The following VRK2 variants were observed in gnomAD, a reference collection of about 807,000 sequenced individuals.
VRK2 encodes VRK serine/threonine kinase 2, also known as serine/threonine-protein kinase VRK2.
Under a neutral mutation model 57.6 loss-of-function variants are expected in VRK2, and 60 were observed. The ratio of observed to expected loss-of-function variants is 1.04; its 90% confidence interval spans 0.85 to 1.29. The LOEUF is 1.29. VRK2 is among the 50% of genes most tolerant of loss of function. The probability of loss-of-function intolerance (pLI) is 0.00; values close to 1 mark genes in which losing one functional copy is unlikely to be tolerated. For missense variants in VRK2, 705 were observed against 588.1 expected (o/e 1.20, Z -2.06); for synonymous variants, 231 against 199.2 (o/e 1.16, Z -1.35).
At chr2:58,151,585 G>A (rs1683037133) in intron 12 of VRK2, among the ~76,000 whole-genome samples, 1 of 151,276 alleles carries the variant, frequency 6.6e-6, no homozygotes, top group Admixed American at 6.6e-5. Context: ...ATTTCCATTT[G>A]AGGTAACTAT....
At chr2:57,938,712 G>C (rs544499652) in intron 1 of VRK2, among the ~76,000 whole-genome samples, 1 of 152,026 alleles carries the variant, frequency 6.6e-6, no homozygotes, top group Non-Finnish European at 1.5e-5. Flanking sequence ...AACAGAAGTT[G>C]TCACATATCT....
intron 1 of VRK2, among the ~76,000 whole-genome samples, chr2:58,002,496 G>A (rs1255372773): frequency 6.6e-6 from 1 of 151,982 alleles, no homozygotes. Flanking sequence ...AGTAAAATCA[G>A]TATGTGTGAA....
chr2:58,093,418 T>C (rs1008278929), intron 7 of VRK2, among the ~76,000 whole-genome samples: 2 of 152,168 alleles, frequency 1.3e-5, no homozygotes, highest in African/African-American at 4.8e-5. Flanking sequence ...TGGCCAGTGA[T>C]GATGAGCATT....
intron 7 of VRK2, among the ~76,000 whole-genome samples, chr2:58,119,246 C>A (rs564810418): frequency 4.6e-5 from 7 of 151,722 alleles, no homozygotes; most frequent in Non-Finnish European, 7.4e-5. Flanking sequence ...GCCTGTAATC[C>A]CAGCACTTTG....
At chr2:58,063,950 A>G (rs1038868189) in intron 2 of VRK2, among the ~76,000 whole-genome samples, 4 of 152,120 alleles carry the variant, frequency 2.6e-5, no homozygotes, top group African/African-American at 9.7e-5. Context: ...GCGGGGTTCA[A>G]GCCTTCAGTG....
At chr2:57,961,634 C>A (rs905676843) in intron 1 of VRK2, among the ~76,000 whole-genome samples, 48 of 105,286 alleles carry the variant, frequency 4.6e-4, no homozygotes, top group African/African-American at 1.2e-3. Flanking sequence ...CCCCCCCCCC[C>A]ACTTATTACT....
upstream of VRK2, among the ~76,000 whole-genome samples, chr2:58,042,544 G>A (rs1243016967): frequency 6.6e-6 from 1 of 152,098 alleles, no homozygotes; most frequent in African/African-American, 2.4e-5. Context: ...TGAATGTTTT[G>A]TCTATGCATC....
At chr2:58,086,188 C>G in intron 4 of VRK2, 151 bp from the exon 5 acceptor site, 1 of 577,840 alleles carries the variant, frequency 1.7e-6, no homozygotes, top group Non-Finnish European at 3.0e-6. Flanking sequence ...CAGTTTGAGG[C>G]CATTAGATAG....
intron 2 of VRK2, among the ~76,000 whole-genome samples, chr2:58,081,900 T>TG (rs1670937393): frequency 1.7e-5 from 2 of 117,094 alleles, no homozygotes; most frequent in Non-Finnish European, 3.7e-5. Flanking sequence ...GTGTGTGTGT[T>TG]TCGTCATTTA....
chr2:58,029,936 C>A (rs1241281169), intron 2 of VRK2, among the ~76,000 whole-genome samples: 1 of 152,096 alleles, frequency 6.6e-6, no homozygotes, highest in East Asian at 1.9e-4. Flanking sequence ...TTTGTCTGGT[C>A]CAGTCTAAAG....
intron 1 of VRK2, among the ~76,000 whole-genome samples, chr2:57,961,074 A>G (rs934782196): frequency 6.6e-6 from 1 of 152,244 alleles, no homozygotes; most frequent in African/African-American, 2.4e-5. Context: ...TTACTTCCTT[A>G]TGTGAATAGA....
chr2:58,104,663 C>G (rs1157829687), intron 7 of VRK2, among the ~76,000 whole-genome samples: 1 of 151,846 alleles, frequency 6.6e-6, no homozygotes, highest in African/African-American at 2.4e-5. Context: ...AGTGCAATCT[C>G]TATCCAAATA....
At chr2:58,055,574 A>G (rs961136028) in intron 2 of VRK2, among the ~76,000 whole-genome samples, 1 of 152,204 alleles carries the variant, frequency 6.6e-6, no homozygotes, top group Non-Finnish European at 1.5e-5. Context: ...CTTAAGCAGC[A>G]TGCATTCAGT....
chr2:58,038,842 C>G (rs1674356472), intron 3 of VRK2, among the ~76,000 whole-genome samples: 1 of 152,012 alleles, frequency 6.6e-6, no homozygotes, highest in South Asian at 2.1e-4. Flanking sequence ...ATATGCAAGC[C>G]TCAACCACAC....
chr2:58,037,090 C>A (rs1157364743), intron 3 of VRK2, among the ~76,000 whole-genome samples: 1 of 152,034 alleles, frequency 6.6e-6, no homozygotes, highest in East Asian at 1.9e-4. Context: ...CATGCACCAC[C>A]ATGCCCAGCT....
intron 2 of VRK2, chr2:58,058,256 A>G (rs1340710881): frequency 4.5e-6 from 2 of 440,054 alleles, no homozygotes; most frequent in East Asian, 7.2e-5. Context: ...GTGTCATTCT[A>G]TTTAACTTTT....
intron 1 of VRK2, among the ~76,000 whole-genome samples, chr2:58,010,056 T>C (rs1256901223): frequency 6.6e-6 from 1 of 152,070 alleles, no homozygotes; most frequent in African/African-American, 2.4e-5. Context: ...AGACACTTAG[T>C]TGGTAAGCCT....
chr2:58,053,831 A>T (rs114456390), intron 2 of VRK2, among the ~76,000 whole-genome samples: 1 of 152,152 alleles, frequency 6.6e-6, no homozygotes, highest in African/African-American at 2.4e-5. Context: ...TTATTAGGCA[A>T]TTTTGCAAAT....
chr2:57,909,462 A>G (rs922472667), intron 1 of VRK2, among the ~76,000 whole-genome samples: 5 of 128,490 alleles, frequency 3.9e-5, no homozygotes, highest in Admixed American at 7.7e-5. Context: ...GCCTGAGTGT[A>G]TGTGTGTGTG....
Sources: allele counts gnomAD v4.1 joint callset (sites outside exome capture counted in the v4.1 genomes callset), GRCh38; gene constraint gnomAD v4.1.1; transcripts MANE v1.5; gene names NCBI Gene and HGNC (gene_info 2026-07-23, HGNC 2026-07-21).